The following RAB8A variants were observed in gnomAD, a reference collection of about 807,000 sequenced individuals.
RAB8A encodes ras-related protein Rab-8A.
Under a neutral mutation model 29.2 loss-of-function variants are expected in RAB8A, and 5 were observed. The ratio of observed to expected loss-of-function variants is 0.17; its 90% CI spans 0.09 to 0.36. The LOEUF is 0.36. Among genes scored for constraint, RAB8A ranks in the 10% least tolerant of loss-of-function variants. RAB8A has a pLI of 1.00. For synonymous variants in RAB8A, 108 were observed against 99.9 expected (o/e 1.08, Z -0.49); for missense variants, 171 against 272.2 (o/e 0.63, Z 2.62).
chr19:16,116,722 C>G (rs79625013), intron 1 of RAB8A, among the ~76,000 whole-genome samples: 3 of 152,094 alleles, frequency 2.0e-5, no homozygotes, highest in African/African-American at 4.8e-5. Flanking sequence ...GCAGTCCCAG[C>G]TACTTGGGAG....
intron 2 of RAB8A, among the ~76,000 whole-genome samples, 175 bp downstream of exon 2, chr19:16,118,461 C>T (rs1259399485): frequency 1.3e-5 from 2 of 152,210 alleles, no homozygotes. Context: ...GCCCAGAGAG[C>T]TGTCCTCTGC....
chr19:16,121,829 G>C lies in RAB8A; in HGVS notation c.246+19G>C. The C allele has an allele frequency of 6.2e-7, 1 of 1,607,498 alleles. No individual in the cohort carries two copies. Among genetic ancestry groups the C allele is most frequent in the Non-Finnish European group, 8.5e-7 (1 of 1,174,116 alleles). On this transcript the variant is annotated intron_variant, in intron 3 of 7. Coordinates refer to ENST00000300935, the MANE Select transcript of RAB8A (RefSeq NM_005370.5). ...TGCAATGGTAGGGACTTTTTGTTTG[G>C]TTGTTTTTATCTGCTTTTTAAGTCA... is the stretch of plus-strand genomic sequence containing the variant.
rs1245023264 is a variant in RAB8A, at chr19:16,132,557, CGTT to C, written c.*256_*258del. The C allele has an allele frequency of 6.0e-6, 3 of 497,794 alleles. No homozygotes were observed. Among genetic ancestry groups the C allele is most frequent in the East Asian group, 3.7e-5 (1 of 27,144 alleles). The allele number at this position is 497,794 out of a possible 1,614,324, so 30.8% of individuals were successfully genotyped here. A position where few individuals can be genotyped will look rare whatever the true frequency, so the allele number is the denominator to read the frequency against. Reference sequence around the variant, plus strand: ...CATCTGCTGAACGGGCCCACCCACACGTTGTATATTCAGAGAGAGAGAGGGAGT... The same window carrying C: ...CATCTGCTGAACGGGCCCACCCACACGTATATTCAGAGAGAGAGAGGGAGT... On this transcript the variant is annotated 3_prime_UTR_variant, in exon 8 of 8. Transcript: ENST00000300935. This position sits in a 1 kb window ranked among gnomAD's most constrained non-coding sequence, Gnocchi z 5.6.
chr19:16,125,151 AC>A lies in RAB8A; in HGVS notation c.247-315del, dbSNP rs2090893545. 2.2e-6 allele frequency: 1 copy of A among 454,486 alleles called. No individual in the cohort carries two copies. The highest frequency in any genetic ancestry group is 4.1e-6 in the Non-Finnish European group (1 of 244,704). 28.2% of individuals were successfully genotyped at this position (454,486 alleles called of 1,614,324 possible). ...CCGGCTCCCACCGTCAGGCTGCACC[AC>A]CCCGTGGGCCATGAGGGGAGCCAGC... On this transcript the variant is annotated intron_variant, in intron 3 of 7. Transcript: ENST00000300935. This position sits in a 1 kb window ranked among gnomAD's most constrained non-coding sequence, Gnocchi z 5.0.
chr19:16,128,214 C>T, intron 6 of RAB8A, 123 bp downstream of exon 6: 1 of 1,017,318 alleles, frequency 9.8e-7, no homozygotes, highest in Non-Finnish European at 1.5e-6. Context: ...TCAGGGCTGC[C>T]AGTCAGTCCT....
chr19:16,116,891 CAAA>C (rs1160942876), intron 1 of RAB8A, among the ~76,000 whole-genome samples: 6 of 92,612 alleles, frequency 6.5e-5, no homozygotes, highest in Admixed American at 1.2e-4. Flanking sequence ...AACTCCATCT[CAAA>C]AAAAAAAAAA....
chr19:16,131,824 GGATGGATGGTTGAAAGGGTATA>G (rs1354318943), intron 7 of RAB8A, among the ~76,000 whole-genome samples: 1 of 151,650 alleles, frequency 6.6e-6, no homozygotes, highest in Non-Finnish European at 1.5e-5. Flanking sequence ...GTGAGTGGAT[GGATGGATGGTTGAAAGGGTATA>G]GATGGATGGT....
intron 1 of RAB8A, among the ~76,000 whole-genome samples, chr19:16,116,541 A>G (rs763789398): frequency 6.6e-6 from 1 of 152,166 alleles, no homozygotes; most frequent in African/African-American, 2.4e-5. Context: ...ACACCAACCC[A>G]AGGCCAGGCA....
At chr19:16,117,789 A>G (rs1301849604) in intron 1 of RAB8A, among the ~76,000 whole-genome samples, 2 of 152,306 alleles carry the variant, frequency 1.3e-5, no homozygotes, top group South Asian at 2.1e-4. Flanking sequence ...AGCATGTACA[A>G]AAGCTGGGGG....
At chr19:16,116,788 T>C (rs895092434) in intron 1 of RAB8A, among the ~76,000 whole-genome samples, 60 of 150,962 alleles carry the variant, frequency 4.0e-4, no homozygotes, top group Admixed American at 9.9e-4. Flanking sequence ...TGAGCCAAGA[T>C]TGCACCACTG....
At chr19:16,118,660 G>C (rs928284754) in intron 2 of RAB8A, among the ~76,000 whole-genome samples, 1 of 152,180 alleles carries the variant, frequency 6.6e-6, no homozygotes, top group Non-Finnish European at 1.5e-5. Flanking sequence ...TGCCCCAGCC[G>C]AGAGTTTCCT....
intron 2 of RAB8A, among the ~76,000 whole-genome samples, chr19:16,119,804 T>G (rs1035827951): frequency 1.1e-5 from 1 of 94,772 alleles, no homozygotes; most frequent in Non-Finnish European, 2.3e-5. Context: ...AAATGACTGG[T>G]TTTTTTTTTT....
At chr19:16,118,157 G>T (rs1486295372) in intron 1 of RAB8A, 69 bp from the exon 2 acceptor site, 1 of 1,420,392 alleles carries the variant, frequency 7.0e-7, no homozygotes, top group Non-Finnish European at 9.8e-7. Flanking sequence ...ACAGGTTGGT[G>T]GCGCCCAGCT....
chr19:16,121,838 A>C, intron 3 of RAB8A, 28 bp downstream of exon 3: 1 of 1,594,874 alleles, frequency 6.3e-7, no homozygotes, highest in Non-Finnish European at 8.6e-7. Flanking sequence ...GGTTGTTTTT[A>C]TCTGCTTTTT....
At chr19:16,113,963 A>C (rs2090834958) in intron 1 of RAB8A, among the ~76,000 whole-genome samples, 1 of 152,172 alleles carries the variant, frequency 6.6e-6, no homozygotes, top group African/African-American at 2.4e-5. Flanking sequence ...CAGTGACAGC[A>C]TCCAGCCTCT....
rs1043346 is a variant in RAB8A, at chr19:16,133,246, C to A, written c.*942C>A. ...ACTTCCAATGGCAAACCTGGGTGAT[C>A]GGGAACAAGCACGTTGTACCCTTGG... On this transcript the variant is annotated 3_prime_UTR_variant, in exon 8 of 8. Transcript: ENST00000300935. The A allele has an allele frequency of 0.14, 21,649 of 152,154 alleles. 1,831 individuals are homozygous for A. Among genetic ancestry groups the A allele is most frequent in the East Asian group, 0.29 (1,513 of 5,170 alleles). The allele number at this position is 152,154 out of a possible 1,614,324, so 9.4% of individuals were successfully genotyped here. A position where few individuals can be genotyped will look rare whatever the true frequency, so the allele number is the denominator to read the frequency against.
intron 2 of RAB8A, among the ~76,000 whole-genome samples, chr19:16,120,931 TTTTGAGACGGAGTC>T (rs1228603890): frequency 3.5e-5 from 5 of 143,418 alleles, no homozygotes; most frequent in Non-Finnish European, 7.6e-5. Flanking sequence ...CCTTTTTTTT[TTTTGAGACGGAGTC>T]TTGCTCTGTC....
intron 1 of RAB8A, 138 bp downstream of exon 1, chr19:16,112,163 C>T (rs975303542): frequency 4.0e-6 from 5 of 1,264,084 alleles, no homozygotes; most frequent in Non-Finnish European, 5.4e-6. Flanking sequence ...GGGAGAAGAG[C>T]AGTCGCCTGC....
At chr19:16,117,832 T>C (rs2090853274) in intron 1 of RAB8A, among the ~76,000 whole-genome samples, 1 of 151,988 alleles carries the variant, frequency 6.6e-6, no homozygotes, top group South Asian at 2.1e-4. Context: ...CATTGACGCA[T>C]GGTGGGGCCT....
Sources: allele counts gnomAD v4.1 joint callset (sites outside exome capture counted in the v4.1 genomes callset), GRCh38; gene constraint gnomAD v4.1.1; non-coding constraint Gnocchi (gnomAD v3.1); transcripts MANE v1.5; gene names NCBI Gene and HGNC (gene_info 2026-07-23, HGNC 2026-07-21).